C11orf65: variants seen among roughly 807,000 people sequenced by gnomAD.
C11orf65 encodes the protein protein MFI.
Under a neutral mutation model 35.3 loss-of-function variants are expected in C11orf65, and 38 were observed. That is an observed-to-expected ratio of 1.08 (90% CI 0.83 to 1.41). The LOEUF (loss-of-function observed/expected upper bound fraction) is 1.41, where lower values mean the gene tolerates loss of function less well. Ranked by LOEUF, C11orf65 falls within the 40% of genes most tolerant of loss-of-function variation. The pLI is 0.00. For missense variants in C11orf65, 370 were observed against 367.1 expected (o/e 1.01, Z -0.06); for synonymous variants, 105 against 114.4 (o/e 0.92, Z 0.53).
intron 2 of C11orf65, among the ~76,000 whole-genome samples, chr11:108,433,040 T>G (rs948102078): frequency 3.9e-5 from 6 of 152,086 alleles, no homozygotes; most frequent in Non-Finnish European, 8.8e-5. Context: ...TTGAGTGATT[T>G]AATATGGCCT....
At chr11:108,328,266 A>T (rs1294777348), downstream of C11orf65, among the ~76,000 whole-genome samples, 2 of 152,026 alleles carry the variant, frequency 1.3e-5, no homozygotes, top group East Asian at 1.9e-4. Flanking sequence ...CTTTTCTTTG[A>T]GATGAAGTCT....
chr11:108,386,356 C>A (rs1420019204), intron 7 of C11orf65, among the ~76,000 whole-genome samples: 2 of 152,218 alleles, frequency 1.3e-5, no homozygotes, highest in Admixed American at 6.5e-5. Flanking sequence ...GAGACAACAA[C>A]AAAAACTTTC....
intron 3 of C11orf65, among the ~76,000 whole-genome samples, chr11:108,422,956 T>C (rs1338425885): frequency 6.6e-6 from 1 of 151,928 alleles, no homozygotes; most frequent in Non-Finnish European, 1.5e-5. Context: ...CAGATCTAAG[T>C]ATAAAATGCA....
chr11:108,336,085 C>A, intron 2 of C11orf65: 2 of 729,960 alleles, frequency 2.7e-6, no homozygotes, highest in Non-Finnish European at 4.8e-6. Flanking sequence ...TTGCTTGAGG[C>A]CAGGAGTTCG....
chr11:108,441,687 C>T (rs556201184), intron 2 of C11orf65, among the ~76,000 whole-genome samples: 19 of 152,308 alleles, frequency 1.2e-4, no homozygotes, highest in South Asian at 6.2e-4. Flanking sequence ...CTGCAGCCTC[C>T]GCTGGTGATA....
At chr11:108,348,822 A>C (rs1006907285) in intron 2 of C11orf65, among the ~76,000 whole-genome samples, 3 of 136,420 alleles carry the variant, frequency 2.2e-5, no homozygotes, top group Non-Finnish European at 4.4e-5. Flanking sequence ...TTGAAGTAGG[A>C]GAATTCTCTT....
At chr11:108,340,860 T>G (rs1385863925) in intron 2 of C11orf65, among the ~76,000 whole-genome samples, 2 of 152,228 alleles carry the variant, frequency 1.3e-5, no homozygotes, top group Non-Finnish European at 2.9e-5. Flanking sequence ...ATACCTTATA[T>G]AGTGTAAATG....
chr11:108,360,294 GC>G (rs1226796806), intron 2 of C11orf65, among the ~76,000 whole-genome samples: 2 of 152,054 alleles, frequency 1.3e-5, no homozygotes, highest in East Asian at 3.9e-4. Flanking sequence ...TGAAATTGTG[GC>G]AATAATCAAT....
At chr11:108,339,453 C>A (rs2136811944) in intron 2 of C11orf65, among the ~76,000 whole-genome samples, 1 of 152,138 alleles carries the variant, frequency 6.6e-6, no homozygotes, top group South Asian at 2.1e-4. Context: ...GAATTAACTT[C>A]ATTTCTGTGT....
intron 2 of C11orf65, among the ~76,000 whole-genome samples, chr11:108,455,066 T>C (rs1342589916): frequency 6.6e-6 from 1 of 152,234 alleles, no homozygotes; most frequent in Non-Finnish European, 1.5e-5. Flanking sequence ...TGGTATGTTG[T>C]GTCTCCATTT....
At chr11:108,426,153 T>A (rs2092899254) in intron 3 of C11orf65, among the ~76,000 whole-genome samples, 1 of 152,084 alleles carries the variant, frequency 6.6e-6, no homozygotes, top group African/African-American at 2.4e-5. Flanking sequence ...GCCAGGGCAA[T>A]CAGGCAAGAG....
chr11:108,392,567 A>G (rs2092192366), intron 7 of C11orf65, among the ~76,000 whole-genome samples: 1 of 152,096 alleles, frequency 6.6e-6, no homozygotes, highest in Admixed American at 6.6e-5. Flanking sequence ...TCTATGTTTA[A>G]CCACTTGAGG....
intron 3 of C11orf65, among the ~76,000 whole-genome samples, chr11:108,414,700 TC>T (rs1426675406): frequency 6.6e-6 from 1 of 152,120 alleles, no homozygotes; most frequent in Non-Finnish European, 1.5e-5. Flanking sequence ...AGGGAATACT[TC>T]CTAACACATT....
intron 2 of C11orf65, 92 bp downstream of exon 2, chr11:108,461,387 G>T (rs12284770): frequency 1.0e-6 from 1 of 956,518 alleles, no homozygotes; most frequent in Non-Finnish European, 1.6e-6. Flanking sequence ...GCAACAGAGA[G>T]AGATTCTGTC....
At chr11:108,444,778 C>A (rs1202328383) in intron 2 of C11orf65, among the ~76,000 whole-genome samples, 1 of 152,132 alleles carries the variant, frequency 6.6e-6, no homozygotes, top group Admixed American at 6.6e-5. Flanking sequence ...GTACAGCGCA[C>A]CGTGCACGAG....
At chr11:108,317,562 C>T (rs1387833899) in intron 6 of C11orf65, 3 of 1,548,040 alleles carry the variant, frequency 1.9e-6, no homozygotes, top group African/African-American at 1.4e-5. Flanking sequence ...TGCCTCTCTC[C>T]TCATTCTAAA....
At chr11:108,334,304 A>G (rs534604865) in intron 3 of C11orf65, among the ~76,000 whole-genome samples, 16 of 152,256 alleles carry the variant, frequency 1.1e-4, no homozygotes, top group African/African-American at 2.9e-4. Context: ...CAATTGTCAT[A>G]TATTGTTTTT....
intron 3 of C11orf65, among the ~76,000 whole-genome samples, chr11:108,411,494 A>G (rs909193043): frequency 6.6e-5 from 10 of 152,212 alleles, no homozygotes; most frequent in African/African-American, 2.4e-4. Context: ...TTCTCTCTAT[A>G]TATCAATTAG....
At chr11:108,376,432 A>T (rs868574779) in intron 2 of C11orf65, among the ~76,000 whole-genome samples, 4 of 152,120 alleles carry the variant, frequency 2.6e-5, no homozygotes, top group African/African-American at 9.7e-5. Flanking sequence ...TGAAACCAAC[A>T]AGAACAAAGA....
Sources: gnomAD v4.1 joint callset for allele counts (sites outside exome capture counted in the v4.1 genomes callset) on GRCh38, gnomAD v4.1.1 for gene constraint, MANE v1.5 for transcripts, NCBI Gene and HGNC (gene_info 2026-07-23, HGNC 2026-07-21) for gene names.